Variants in WWC1 observed in about 807,000 individuals in gnomAD.
WWC1 encodes protein KIBRA.
Under a neutral mutation model 138.4 loss-of-function variants are expected in WWC1, and 55 were observed. That is an observed-to-expected ratio of 0.40 (90% CI 0.32 to 0.50). The LOEUF is 0.50. Ranked by LOEUF, WWC1 falls within the 20% of genes least tolerant of loss-of-function variation. WWC1 has a pLI of 0.72. For synonymous variants in WWC1, 524 were observed against 564.9 expected (o/e 0.93, Z 1.03); for missense variants, 1,226 against 1,420.4 (o/e 0.86, Z 2.20).
At chr5:168,379,768 A>G (rs1051150465) in intron 2 of WWC1, among the ~76,000 whole-genome samples, 1 of 152,212 alleles carries the variant, frequency 6.6e-6, no homozygotes, top group Admixed American at 6.5e-5. Flanking sequence ...TAATCTTTTC[A>G]ACAGTTGTTG....
At chr5:168,457,958 T>C (rs1756479012) in intron 19 of WWC1, among the ~76,000 whole-genome samples, 1 of 152,244 alleles carries the variant, frequency 6.6e-6, no homozygotes, top group Non-Finnish European at 1.5e-5. Context: ...CACCAGGTTG[T>C]GATTCAAGGC....
chr5:168,384,667 G>A lies in WWC1; in HGVS notation c.230-544G>A, dbSNP rs560031197. On this transcript the variant is annotated intron_variant, in intron 2 of 22. Transcript: ENST00000265293. ...CTCAAACCTGATCCTTATTCAGGCC[G>A]TTCTCAGAGATTGACATTGGGTTTG... Among the ~76,000 whole-genome samples, 287 of 149,138 alleles carry A rather than the reference G, an allele frequency of 1.9e-3. 1 individual carries two copies. The highest frequency in any genetic ancestry group is 4.3e-3 in the Admixed American group (64 of 14,958).
chr5:168,446,644 C>A (rs1413388732), intron 17 of WWC1, among the ~76,000 whole-genome samples: 3 of 152,188 alleles, frequency 2.0e-5, no homozygotes, highest in Non-Finnish European at 2.9e-5. Flanking sequence ...GAAGCCCACA[C>A]CTTGTGTCAC....
chr5:168,385,084 C>A (rs1310724772), intron 2 of WWC1, 127 bp from the exon 3 acceptor site: 12 of 884,216 alleles, frequency 1.4e-5, no homozygotes, highest in African/African-American at 1.4e-4. Flanking sequence ...ATGAGTTTGC[C>A]CCACTTACAT....
chr5:168,422,178 C>T (rs1407343711), intron 10 of WWC1, 81 bp downstream of exon 10: 1 of 1,377,890 alleles, frequency 7.3e-7, no homozygotes, highest in Non-Finnish European at 1.0e-6. Context: ...CCAGGCTCTA[C>T]CCTTCACTTG....
intron 2 of WWC1, among the ~76,000 whole-genome samples, chr5:168,372,667 A>G (rs1676202808): frequency 6.6e-6 from 1 of 152,222 alleles, no homozygotes; most frequent in African/African-American, 2.4e-5. Flanking sequence ...ACTCACAGCT[A>G]AAATGTGGCA....
chr5:168,403,895 C>T (rs1260004018), intron 5 of WWC1, among the ~76,000 whole-genome samples: 1 of 151,188 alleles, frequency 6.6e-6, no homozygotes, highest in South Asian at 2.1e-4. Flanking sequence ...CACACACACA[C>T]ACACACACAC....
chr5:168,366,277 A>G (rs1776281639), intron 1 of WWC1, among the ~76,000 whole-genome samples: 4 of 152,146 alleles, frequency 2.6e-5, no homozygotes, highest in Non-Finnish European at 5.9e-5. Context: ...ACACTGAATA[A>G]TTCATCTCCC....
At position 168,292,337 on chromosome 5, in the gene WWC1, C is replaced by T; in HGVS notation, c.119+66C>T. 2.0e-6 allele frequency: 3 copies of T among 1,521,810 alleles called. No individual in the cohort carries two copies. Among genetic ancestry groups the T allele is most frequent in the South Asian group, 1.2e-5 (1 of 81,184 alleles). 94.3% of individuals were successfully genotyped at this position (1,521,810 alleles called of 1,614,324 possible). On this transcript the variant is annotated intron_variant, in intron 1 of 22. Transcript: ENST00000265293. The surrounding 1 kb of genome is among the most constrained non-coding windows in gnomAD (Gnocchi z 4.4). ...CCTGGGCCCCCACCTGCCCCTGGAGCCGCCGGCCGGGACTGGGAGGGGGCA... is the reference window on the plus strand; with the variant it reads ...CCTGGGCCCCCACCTGCCCCTGGAGTCGCCGGCCGGGACTGGGAGGGGGCA...
chr5:168,308,272 C>T (rs1770759251), intron 1 of WWC1, among the ~76,000 whole-genome samples: 1 of 149,764 alleles, frequency 6.7e-6, no homozygotes, highest in Non-Finnish European at 1.5e-5. Flanking sequence ...ATTGCTGTCA[C>T]CCTACATGGA....
intron 1 of WWC1, among the ~76,000 whole-genome samples, chr5:168,307,078 C>T (rs899543182): frequency 7.9e-5 from 12 of 152,354 alleles, no homozygotes; most frequent in African/African-American, 2.9e-4. Context: ...ATATTTATTA[C>T]AACTCTAGGT....
intron 21 of WWC1, among the ~76,000 whole-genome samples, chr5:168,465,956 A>G (rs1220536734): frequency 2.0e-5 from 3 of 152,126 alleles, no homozygotes; most frequent in African/African-American, 7.2e-5. Context: ...GAGGAAGGCA[A>G]GGGAACTCCT....
At chr5:168,452,116 A>G (rs56168499) in intron 17 of WWC1, among the ~76,000 whole-genome samples, 47,916 of 151,812 alleles carry the variant, frequency 0.32, 8,848 homozygotes, top group Middle Eastern at 0.45. Flanking sequence ...ACATTGGCCA[A>G]GATGGTCTTG....
intron 1 of WWC1, among the ~76,000 whole-genome samples, chr5:168,337,648 C>T (rs1773606590): frequency 6.6e-6 from 1 of 152,200 alleles, no homozygotes; most frequent in Non-Finnish European, 1.5e-5. Context: ...TTTCATGGAT[C>T]TTATAGTCTA....
At chr5:168,347,999 C>T (rs750098815) in intron 1 of WWC1, among the ~76,000 whole-genome samples, 2 of 152,200 alleles carry the variant, frequency 1.3e-5, no homozygotes, top group Admixed American at 6.5e-5. Context: ...CAGGAGATGG[C>T]AGTGTGACTA....
intron 19 of WWC1, among the ~76,000 whole-genome samples, chr5:168,457,356 T>C (rs901060911): frequency 6.6e-6 from 1 of 152,040 alleles, no homozygotes; most frequent in African/African-American, 2.4e-5. Flanking sequence ...AGGGAACAAT[T>C]TAACCCTTTG....
intron 20 of WWC1, among the ~76,000 whole-genome samples, chr5:168,461,912 T>C (rs1243153436): frequency 6.6e-6 from 1 of 151,748 alleles, no homozygotes; most frequent in Non-Finnish European, 1.5e-5. Flanking sequence ...CAAAATTAGC[T>C]GGGCGTGGTG....
At chr5:168,450,672 A>T (rs13157536) in intron 17 of WWC1, among the ~76,000 whole-genome samples, 47,161 of 151,918 alleles carry the variant, frequency 0.31, 8,610 homozygotes, top group Middle Eastern at 0.45. Flanking sequence ...TCTCAAAAAA[A>T]TAAAATAAAA....
intron 2 of WWC1, among the ~76,000 whole-genome samples, chr5:168,379,000 A>G (rs1310585499): frequency 6.6e-6 from 1 of 152,104 alleles, no homozygotes; most frequent in African/African-American, 2.4e-5. Context: ...GTGTGCTGCC[A>G]TGTGTGCTGT....
Sources: allele counts gnomAD v4.1 joint callset (sites outside exome capture counted in the v4.1 genomes callset), GRCh38; gene constraint gnomAD v4.1.1; non-coding constraint Gnocchi (gnomAD v3.1); transcripts MANE v1.5; gene names NCBI Gene and HGNC (gene_info 2026-07-23, HGNC 2026-07-21).